SHISA6: variants seen among roughly 807,000 people sequenced by gnomAD.
SHISA6 encodes protein shisa-6.
Under a neutral mutation model 47.9 loss-of-function variants are expected in SHISA6, and 22 were observed. That is an observed-to-expected ratio of 0.46 (90% CI 0.33 to 0.66). SHISA6 has a LOEUF of 0.66. SHISA6 is among the 30% of genes least tolerant of loss of function. The probability of loss-of-function intolerance (pLI) is 0.02; values close to 1 mark genes in which losing one functional copy is unlikely to be tolerated. For missense variants in SHISA6, 680 were observed against 764.6 expected (o/e 0.89, Z 1.30); for synonymous variants, 388 against 337.8 (o/e 1.15, Z -1.63).
intron 1 of SHISA6, among the ~76,000 whole-genome samples, chr17:11,252,380 T>C (rs1396467676): frequency 1.3e-5 from 2 of 152,222 alleles, no homozygotes; most frequent in East Asian, 3.9e-4. Flanking sequence ...GTTGTTCCCT[T>C]AGCCAAATGT....
intron 3 of SHISA6, among the ~76,000 whole-genome samples, chr17:11,381,366 A>G (rs1046668973): frequency 6.6e-6 from 1 of 152,250 alleles, no homozygotes; most frequent in Non-Finnish European, 1.5e-5. Flanking sequence ...AGCAATATTT[A>G]GAAGTTATGG....
intron 2 of SHISA6, among the ~76,000 whole-genome samples, chr17:11,330,591 G>C (rs1387208012): frequency 6.6e-6 from 1 of 151,986 alleles, no homozygotes; most frequent in Non-Finnish European, 1.5e-5. Flanking sequence ...TTTTTGAGGT[G>C]TCCTAATCAA....
At chr17:11,476,757 T>C (rs891371235) in intron 3 of SHISA6, among the ~76,000 whole-genome samples, 1 of 152,110 alleles carries the variant, frequency 6.6e-6, no homozygotes, top group South Asian at 2.1e-4. Context: ...AAGTAATCTG[T>C]AGATGCAATT....
intron 1 of SHISA6, among the ~76,000 whole-genome samples, chr17:11,245,413 TC>T (rs1907538688): frequency 6.6e-6 from 1 of 152,130 alleles, no homozygotes; most frequent in African/African-American, 2.4e-5. Flanking sequence ...TCCGCACAGC[TC>T]CCCTGAGGGG....
intron 2 of SHISA6, among the ~76,000 whole-genome samples, chr17:11,277,563 C>G (rs1279014850): frequency 1.3e-5 from 2 of 152,122 alleles, no homozygotes; most frequent in African/African-American, 4.8e-5. Context: ...AATGAATGCC[C>G]TTATTTAATA....
chr17:11,547,873 T>A, intron 3 of SHISA6, among the ~76,000 whole-genome samples: 1 of 152,204 alleles, frequency 6.6e-6, no homozygotes, highest in East Asian at 1.9e-4. Flanking sequence ...GTGAGTGATA[T>A]TTTAGTTTTA....
In SHISA6 at chr17:11,557,917, G is replaced by C. The variant is rs2071997971; in HGVS notation, c.1269G>C (p.Leu423=). 1 of 1,551,610 alleles carries C rather than the reference G, an allele frequency of 6.4e-7. No individual in the cohort carries two copies. Among genetic ancestry groups the C allele is most frequent in the African/African-American group, 1.4e-5 (1 of 73,190 alleles). The change falls in exon 6 of 6, where the codon CTG becomes CTC. Residue 423 remains leucine, a synonymous_variant. Coordinates refer to ENST00000441885, the MANE Select transcript of SHISA6 (RefSeq NM_207386.4). ...GGGCCATGTCCCAGGACAGGGTCCT[G>C]TCCCCGGATCGGGGCCTGCCAGATG... is the stretch of plus-strand genomic sequence containing the variant. ...PIRAMSQDRV[L]SPDRGLPDEF... is the part of the protein sequence containing the mutation.
intron 3 of SHISA6, among the ~76,000 whole-genome samples, chr17:11,414,287 A>T (rs1363477801): frequency 6.6e-6 from 1 of 152,130 alleles, no homozygotes; most frequent in Non-Finnish European, 1.5e-5. Flanking sequence ...GCAGTATCTC[A>T]TTCTTGACTT....
chr17:11,387,996 C>G (rs559121424), intron 3 of SHISA6, among the ~76,000 whole-genome samples: 1 of 152,102 alleles, frequency 6.6e-6, no homozygotes, highest in Non-Finnish European at 1.5e-5. Context: ...GGCCTTTTCT[C>G]CTAGGAAGAA....
At chr17:11,515,883 T>C (rs1475736058) in intron 3 of SHISA6, among the ~76,000 whole-genome samples, 1 of 152,264 alleles carries the variant, frequency 6.6e-6, no homozygotes, top group Non-Finnish European at 1.5e-5. Context: ...TCCTTCAAGT[T>C]GTCACAATGC....
At chr17:11,489,918 T>C (rs553422185) in intron 3 of SHISA6, among the ~76,000 whole-genome samples, 1 of 152,186 alleles carries the variant, frequency 6.6e-6, no homozygotes, top group South Asian at 2.1e-4. Flanking sequence ...CAGCCCCAAA[T>C]GTCAGTACTG....
rs115076181 is a variant in SHISA6, at chr17:11,447,741, C to A, written c.895+68232C>A. On this transcript the variant is annotated intron_variant, in intron 3 of 5. Coordinates refer to ENST00000441885, the MANE Select transcript of SHISA6 (RefSeq NM_207386.4). Reference sequence around the variant, plus strand: ...AAAGCCTTCTCATAAGCTTTGTCATCATCTCCTCAATGAAGTTTCTGCCCG... The same window carrying A: ...AAAGCCTTCTCATAAGCTTTGTCATAATCTCCTCAATGAAGTTTCTGCCCG... Among the ~76,000 whole-genome samples, 586 of 152,346 alleles carry A rather than the reference C, an allele frequency of 3.8e-3. 2 individuals are homozygous for A. The highest frequency in any genetic ancestry group is 0.013 in the African/African-American group (546 of 41,586).
intron 2 of SHISA6, among the ~76,000 whole-genome samples, chr17:11,285,562 A>C (rs891753963): frequency 1.3e-5 from 2 of 152,192 alleles, no homozygotes; most frequent in Non-Finnish European, 2.9e-5. Flanking sequence ...GGAATTAATC[A>C]AGTTTGATCC....
chr17:11,241,683 G>T lies in SHISA6; in HGVS notation c.261G>T (p.Ala87=). ...CGGCTGTGGCGGCGGCGGCCAGCGC[G>T]GCCGTCACCTACGAGACGTGCTGGG... ...PAAAVAAAAS[A]AVTYETCWGY... Residue 87 remains alanine, a synonymous_variant, in exon 1 of 6, where the codon GCG becomes GCT. Transcript: ENST00000441885. The surrounding 1 kb of genome is among the most constrained non-coding windows in gnomAD (Gnocchi z 5.5). The T allele has an allele frequency of 6.7e-7, 1 of 1,491,744 alleles. No individual in the cohort carries two copies. The allele number at this position is 1,491,744 out of a possible 1,614,324, so 92.4% of individuals were successfully genotyped here.
At position 11,329,471 on chromosome 17, in the gene SHISA6, T is replaced by TCCAATTAATACATTTTTGGC. The variant is rs1476252043; in HGVS notation, c.800-49940_800-49921dup. Among the ~76,000 whole-genome samples the TCCAATTAATACATTTTTGGC allele has an allele frequency of 2.6e-5, 4 of 152,278 alleles. No homozygotes were observed. The East Asian group carries it at 7.7e-4, about 29-fold the overall frequency. Reference sequence around the variant, plus strand: ...CAGATAACTGGGCATTCATCTTCTCTCCAATTAATACATTTTTGGCCCTGC... The same window carrying TCCAATTAATACATTTTTGGC: ...CAGATAACTGGGCATTCATCTTCTCTCCAATTAATACATTTTTGGCCCAATTAATACATTTTTGGCCCTGC... On this transcript the variant is annotated intron_variant, in intron 2 of 5. Coordinates refer to ENST00000441885, the MANE Select transcript of SHISA6 (RefSeq NM_207386.4).
At chr17:11,425,316 C>CA (rs1246224622) in intron 3 of SHISA6, among the ~76,000 whole-genome samples, 3 of 151,822 alleles carry the variant, frequency 2.0e-5, no homozygotes, top group Non-Finnish European at 2.9e-5. Context: ...GAGGGGGTGA[C>CA]AAAGAGAACT....
At chr17:11,389,447 G>A (rs956937031) in intron 3 of SHISA6, among the ~76,000 whole-genome samples, 2 of 152,224 alleles carry the variant, frequency 1.3e-5, no homozygotes, top group African/African-American at 4.8e-5. Flanking sequence ...TAGGGAGCAA[G>A]AGAGACTTTA....
intron 3 of SHISA6, among the ~76,000 whole-genome samples, chr17:11,446,143 T>C (rs1164422714): frequency 6.6e-6 from 1 of 152,138 alleles, no homozygotes; most frequent in Non-Finnish European, 1.5e-5. Context: ...GGCAATGATG[T>C]GTGGGTTGAG....
At chr17:11,303,902 G>A (rs1158170238) in intron 2 of SHISA6, among the ~76,000 whole-genome samples, 1 of 152,190 alleles carries the variant, frequency 6.6e-6, no homozygotes, top group Non-Finnish European at 1.5e-5. Flanking sequence ...GGCCTGAGGT[G>A]GGTACAGCAG....
Sources: allele counts gnomAD v4.1 joint callset (sites outside exome capture counted in the v4.1 genomes callset), GRCh38; gene constraint gnomAD v4.1.1; non-coding constraint Gnocchi (gnomAD v3.1); transcripts MANE v1.5; gene names NCBI Gene and HGNC (gene_info 2026-07-23, HGNC 2026-07-21).